PTPRM: variants seen among roughly 807,000 people sequenced by gnomAD.
PTPRM encodes receptor-type tyrosine-protein phosphatase mu.
Under a neutral mutation model 186.7 loss-of-function variants are expected in PTPRM, and 47 were observed. The ratio of observed to expected loss-of-function variants is 0.25; its 90% confidence interval spans 0.20 to 0.32. The LOEUF (loss-of-function observed/expected upper bound fraction) is 0.32, where lower values mean the gene tolerates loss of function less well. PTPRM is among the 10% of genes least tolerant of loss of function. The probability of loss-of-function intolerance (pLI) is 1.00; values close to 1 mark genes in which losing one functional copy is unlikely to be tolerated. For synonymous variants in PTPRM, 668 were observed against 674.9 expected (o/e 0.99, Z 0.16); for missense variants, 1,494 against 1,865.0 (o/e 0.80, Z 3.66).
chr18:8,239,852 A>G (rs1315900964), intron 14 of PTPRM, among the ~76,000 whole-genome samples: 1 of 152,232 alleles, frequency 6.6e-6, no homozygotes, highest in East Asian at 1.9e-4. Context: ...CTATTTATAG[A>G]TATTCGTAAG....
intron 1 of PTPRM, among the ~76,000 whole-genome samples, chr18:7,708,389 T>C (rs995907979): frequency 2.0e-5 from 3 of 152,206 alleles, no homozygotes; most frequent in African/African-American, 4.8e-5. Context: ...TCAAGCTCTT[T>C]CTGTGTAATT....
intron 2 of PTPRM, among the ~76,000 whole-genome samples, chr18:7,822,227 C>CT (rs1323820142): frequency 1.3e-5 from 2 of 152,216 alleles, no homozygotes; most frequent in Non-Finnish European, 1.5e-5. Context: ...ATATCCAGAG[C>CT]TATTGAAGCA....
At chr18:7,765,598 A>T (rs1387495474) in intron 1 of PTPRM, among the ~76,000 whole-genome samples, 1 of 152,084 alleles carries the variant, frequency 6.6e-6, no homozygotes, top group East Asian at 1.9e-4. Context: ...CTTTCTGTTT[A>T]TCCTTTGCAT....
intron 2 of PTPRM, among the ~76,000 whole-genome samples, chr18:7,855,471 A>G (rs1459027025): frequency 6.6e-6 from 1 of 152,200 alleles, no homozygotes; most frequent in African/African-American, 2.4e-5. Context: ...CCACCTACAC[A>G]AAGAAGGAAG....
At chr18:7,867,557 T>A (rs1488779728) in intron 2 of PTPRM, among the ~76,000 whole-genome samples, 6 of 152,232 alleles carry the variant, frequency 3.9e-5, no homozygotes, top group African/African-American at 1.2e-4. Context: ...GGGTTTCTGC[T>A]GAGAGATCTG....
At chr18:7,672,689 C>G (rs1423311340) in intron 1 of PTPRM, among the ~76,000 whole-genome samples, 2 of 152,124 alleles carry the variant, frequency 1.3e-5, no homozygotes, top group African/African-American at 4.8e-5. Context: ...AATGGCTTCA[C>G]TAAAATAATA....
rs533245801 is a variant in PTPRM, at chr18:8,113,460, C to G, written c.1857-26C>G. 2.9e-5 allele frequency: 46 copies of G among 1,601,148 alleles called. 1 individual carries two copies. In the South Asian group the frequency reaches 5.0e-4, roughly 17 times the overall value. ...GATCAGTTCAGTTATCATAAAATAT[C>G]ATTGATGGTACTCTTGTTTTTCTAG... On this transcript the variant is annotated intron_variant, in intron 11 of 32. Coordinates refer to ENST00000580170, the MANE Select transcript of PTPRM (RefSeq NM_001105244.2).
chr18:8,135,264 A>G (rs1399342427), intron 13 of PTPRM, among the ~76,000 whole-genome samples: 1 of 152,220 alleles, frequency 6.6e-6, no homozygotes, highest in Non-Finnish European at 1.5e-5. Context: ...TAGTGCAATC[A>G]ATGATGGAAA....
intron 2 of PTPRM, among the ~76,000 whole-genome samples, chr18:7,784,506 A>C (rs909313404): frequency 2.0e-5 from 3 of 152,192 alleles, no homozygotes; most frequent in African/African-American, 7.2e-5. Context: ...GTCACTCAAC[A>C]ATCAGAGCTT....
intron 1 of PTPRM, among the ~76,000 whole-genome samples, chr18:7,582,442 C>T (rs1040144010): frequency 3.3e-5 from 5 of 152,160 alleles, no homozygotes; most frequent in Non-Finnish European, 5.9e-5. Context: ...GGGAAGAGTA[C>T]GTTGTCACTT....
chr18:7,614,663 G>A (rs1418103251), intron 1 of PTPRM, among the ~76,000 whole-genome samples: 1 of 152,138 alleles, frequency 6.6e-6, no homozygotes, highest in South Asian at 2.1e-4. Flanking sequence ...GCCTTCCCCT[G>A]TCTAATGTGA....
rs1000131730 is a variant in PTPRM, at chr18:8,228,608, G to A, written c.2301-15450G>A. Among the ~76,000 whole-genome samples the A allele has an allele frequency of 9.2e-5, 14 of 151,562 alleles. No individual in the cohort carries two copies. The South Asian group carries it at 1.5e-3, about 16-fold the overall frequency. On this transcript the variant is annotated intron_variant, in intron 14 of 32. Transcript: ENST00000580170. ...CTGTAATCCCAGCACTTTGGGAGGCGAGGCAGGTGGATCACGAGGTCAGGA... is the reference window on the plus strand; with the variant it reads ...CTGTAATCCCAGCACTTTGGGAGGCAAGGCAGGTGGATCACGAGGTCAGGA...
At chr18:7,994,265 A>ACACACACACACAC (rs145006322) in intron 7 of PTPRM, among the ~76,000 whole-genome samples, 10 of 148,906 alleles carry the variant, frequency 6.7e-5, no homozygotes, top group African/African-American at 2.2e-4. Context: ...GGATATAAAT[A>ACACACACACACAC]ACACACACAC....
At chr18:7,756,251 G>A (rs1411065843) in intron 1 of PTPRM, among the ~76,000 whole-genome samples, 1 of 152,184 alleles carries the variant, frequency 6.6e-6, no homozygotes, top group Non-Finnish European at 1.5e-5. Flanking sequence ...GATGCAGATT[G>A]AAAAGCAAAC....
intron 1 of PTPRM, among the ~76,000 whole-genome samples, chr18:7,585,509 T>A (rs2036956638): frequency 6.6e-6 from 1 of 152,192 alleles, no homozygotes. Context: ...GGGATTGGAA[T>A]TTGGCCAGAG....
In PTPRM at chr18:7,803,128, A is replaced by G. The variant is rs113585314; in HGVS notation, c.196+28857A>G. Among the ~76,000 whole-genome samples the G allele has an allele frequency of 6.8e-3, 1,036 of 152,284 alleles. 16 individuals are homozygous for G. Among genetic ancestry groups the G allele is most frequent in the African/African-American group, 0.024 (978 of 41,560 alleles). ...TTCTAGATAAATATATTGGCAGGTT[A>G]TTGCTGTTGTAACAAGTTACCACAC... On this transcript the variant is annotated intron_variant, in intron 2 of 32. Coordinates refer to ENST00000580170, the MANE Select transcript of PTPRM (RefSeq NM_001105244.2).
chr18:7,680,466 A>G (rs914965626), intron 1 of PTPRM, among the ~76,000 whole-genome samples: 4 of 152,186 alleles, frequency 2.6e-5, no homozygotes, highest in Non-Finnish European at 5.9e-5. Flanking sequence ...GCAGCACAAT[A>G]TAAGAATATA....
chr18:7,601,582 A>T (rs974736694), intron 1 of PTPRM, among the ~76,000 whole-genome samples: 3 of 152,168 alleles, frequency 2.0e-5, no homozygotes. Flanking sequence ...CCGTCTTCAC[A>T]TCACCTTCTC....
intron 23 of PTPRM, among the ~76,000 whole-genome samples, chr18:8,355,892 T>G (rs16953356): frequency 0.03 from 4,613 of 152,282 alleles, 246 homozygotes; most frequent in African/African-American, 0.11. Flanking sequence ...GCGCTGATGC[T>G]AAGACAGTGA....
Sources: gnomAD v4.1 joint callset for allele counts (sites outside exome capture counted in the v4.1 genomes callset) on GRCh38, gnomAD v4.1.1 for gene constraint, MANE v1.5 for transcripts, NCBI Gene and HGNC (gene_info 2026-07-23, HGNC 2026-07-21) for gene names.